The following KRT86 variants were observed in gnomAD, a reference collection of about 807,000 sequenced individuals.
KRT86 encodes the protein keratin, type II cuticular Hb6.
KRT86 carries 30 observed loss-of-function variants against 41.2 expected under a neutral mutation model. The ratio of observed to expected loss-of-function variants is 0.73; its 90% confidence interval spans 0.54 to 0.99. The LOEUF (loss-of-function observed/expected upper bound fraction) is 0.99, where lower values mean the gene tolerates loss of function less well. Ranked by LOEUF, KRT86 falls within the 50% of genes least tolerant of loss-of-function variation. The pLI, the probability that KRT86 is intolerant of heterozygous loss-of-function variation, is 0.00. For synonymous variants in KRT86, 238 were observed against 238.1 expected, an observed-to-expected ratio of 1.00 and a Z score of 0.00; for missense variants, 561 against 571.4, an observed-to-expected ratio of 0.98 and a Z score of 0.19.
chr12:52,287,640 T>C (rs772284845), intron 2 of KRT86: 6 of 1,613,832 alleles, frequency 3.7e-6, no homozygotes, highest in Non-Finnish European at 5.1e-6. Flanking sequence ...CTTTGGATCA[T>C]GCGGTTCAGC....
At chr12:52,283,571 C>T (rs1937834124) in intron 2 of KRT86, among the ~76,000 whole-genome samples, 1 of 136,822 alleles carries the variant, frequency 7.3e-6, no homozygotes, top group Non-Finnish European at 1.6e-5. Flanking sequence ...CTCCACCTCT[C>T]AGGCTCAAGC....
Position 52,305,247 on chromosome 12 carries a change from G to A in KRT86, c.743G>A (p.Arg248His), listed in dbSNP as rs765173749. The A allele has an allele frequency of 1.1e-5, 18 of 1,614,056 alleles. No individual in the cohort carries two copies. Among genetic ancestry groups the A allele is most frequent in the Middle Eastern group, 1.6e-4 (1 of 6,084 alleles). The change falls in exon 7 of 11, where the codon CGC becomes CAC. Residue 248 changes from arginine (R) to histidine (H), a missense_variant. Physicochemically the swap from Arg to His is conservative, Grantham distance 29 (BLOSUM62 0). Transcript: ENST00000423955. Reference protein sequence around the residue: ...FLRRLYEEEIRVLQSHISDTS... With the variant: ...FLRRLYEEEIHVLQSHISDTS... Reference sequence around the variant, plus strand: ...TGCCCTCACCTCCTGCAGGAGATCCGCGTTCTCCAGTCCCACATCTCAGAC... The same window carrying A: ...TGCCCTCACCTCCTGCAGGAGATCCACGTTCTCCAGTCCCACATCTCAGAC...
At chr12:52,286,785 A>T in intron 2 of KRT86, 1 of 1,613,800 alleles carries the variant, frequency 6.2e-7, no homozygotes, top group South Asian at 1.1e-5. Flanking sequence ...GACCCCAAAT[A>T]CTCACAGACA....
intron 2 of KRT86, chr12:52,285,894 GAC>G (rs1159792531): frequency 2.8e-6 from 1 of 352,350 alleles, no homozygotes; most frequent in Non-Finnish European, 5.4e-6. Flanking sequence ...GGGTAATAGA[GAC>G]ACACACAAGA....
intron 9 of KRT86, among the ~76,000 whole-genome samples, chr12:52,307,820 T>A (rs748813119): frequency 1.3e-5 from 2 of 152,262 alleles, no homozygotes; most frequent in Non-Finnish European, 2.9e-5. Flanking sequence ...AGAAGTTAAA[T>A]CTGCTCCCCT....
At position 52,305,710 on chromosome 12, in the gene KRT86, C is replaced by T. The variant is rs1938495835; in HGVS notation, c.948C>T (p.Arg316=). The change falls in exon 8 of 11, where the codon CGC becomes CGT. Residue 316 remains arginine (R), a synonymous_variant. Coordinates refer to ENST00000423955, the MANE Select transcript of KRT86 (RefSeq NM_001320198.2). ...ATVIRHGETL[R]RTKEEINELN... is the part of the protein sequence containing the mutation. ...TGATCAGGCACGGGGAGACCCTGCG[C>T]CGCACCAAGGAGGAGATCAACGAGC... The T allele has an allele frequency of 1.9e-6, 3 of 1,614,076 alleles. No individual in the cohort carries two copies. Among genetic ancestry groups the T allele is most frequent in the East Asian group, 2.2e-5 (1 of 44,876 alleles).
rs577439373 is a variant in KRT86, at chr12:52,299,945, C to T, written c.-4-1968C>T. Among the ~76,000 whole-genome samples the T allele has an allele frequency of 5.3e-5, 8 of 152,224 alleles. No homozygotes were observed. The South Asian group carries it at 1.7e-3, about 32-fold the overall frequency. ...TTGGTGTGCAGAAGTTCTTTTAGCT[C>T]GATGTGATCCCATTTGCCCATTTTT... On this transcript the variant is annotated intron_variant, in intron 2 of 10. Coordinates refer to ENST00000423955, the MANE Select transcript of KRT86 (RefSeq NM_001320198.2).
chr12:52,298,739 G>A (rs1018802365), intron 2 of KRT86, among the ~76,000 whole-genome samples: 1 of 152,150 alleles, frequency 6.6e-6, no homozygotes, highest in Non-Finnish European at 1.5e-5. Flanking sequence ...GAGGCAGTTT[G>A]GAATCTGAGT....
At chr12:52,282,157 A>C (rs1049385262) in intron 2 of KRT86, among the ~76,000 whole-genome samples, 13 of 152,202 alleles carry the variant, frequency 8.5e-5, no homozygotes, top group African/African-American at 3.1e-4. Flanking sequence ...AAAGTGCTTA[A>C]AGCATAGGAA....
At position 52,275,867 on chromosome 12, in the gene KRT86, A is replaced by C. The variant is rs1027996407; in HGVS notation, c.-84A>C. The C allele has an allele frequency of 3.2e-5, 32 of 985,854 alleles. No individual in the cohort carries two copies. The highest frequency in any genetic ancestry group is 8.4e-6 in the Non-Finnish European group (7 of 829,984). 61.1% of individuals were successfully genotyped at this position (985,854 alleles called of 1,614,324 possible). On this transcript the variant is annotated 5_prime_UTR_variant, in exon 2 of 11. Coordinates refer to ENST00000423955, the MANE Select transcript of KRT86 (RefSeq NM_001320198.2). Reference sequence around the variant, plus strand: ...GTGCAGAAACACACGCAGAGCCTGAAGCCCAGCAAGGAGGATCTGAACAGG... The same window carrying C: ...GTGCAGAAACACACGCAGAGCCTGACGCCCAGCAAGGAGGATCTGAACAGG...
chr12:52,307,202 G>A (rs1938538826), intron 9 of KRT86: 1 of 152,194 alleles, frequency 6.6e-6, no homozygotes, highest in African/African-American at 2.4e-5. Context: ...CACCAAACTC[G>A]AGTTGTTCCA....
rs768434448 is a variant in KRT86, at chr12:52,305,407, G to C, written c.900+3G>C. On this transcript the variant is annotated splice_donor_region_variant and intron_variant, in intron 7 of 10. Transcript: ENST00000423955. ...CCGAGTCCTGGTACCGCAGCAAGGT[G>C]AGTGGCACAGGACACCTGCCTGCTA... 2 of 1,614,174 alleles carry C rather than the reference G, an allele frequency of 1.2e-6. No individual in the cohort carries two copies. Among genetic ancestry groups the C allele is most frequent in the Non-Finnish European group, 1.7e-6 (2 of 1,179,998 alleles).
At chr12:52,286,652 A>T in intron 2 of KRT86, 1 of 1,175,098 alleles carries the variant, frequency 8.5e-7, no homozygotes, top group South Asian at 1.3e-5. Flanking sequence ...GGTCTTTTGG[A>T]TGTCTGACCC....
chr12:52,288,089 G>A lies in KRT86; in HGVS notation c.-5+12143G>A, dbSNP rs559803959. On this transcript the variant is annotated intron_variant, in intron 2 of 10. Coordinates refer to ENST00000423955, the MANE Select transcript of KRT86 (RefSeq NM_001320198.2). Reference sequence around the variant, plus strand: ...TGCAGTCCATGTTCAGGTCCCGGCTGTTGTCCAGCTTGACAACCACGGAGG... The same window carrying A: ...TGCAGTCCATGTTCAGGTCCCGGCTATTGTCCAGCTTGACAACCACGGAGG... 84 of 1,614,190 alleles carry A rather than the reference G, an allele frequency of 5.2e-5. No homozygotes were observed. In the South Asian group the frequency reaches 9.1e-4, roughly 18 times the overall value.
At chr12:52,281,300 G>A (rs1937766335) in intron 2 of KRT86, among the ~76,000 whole-genome samples, 1 of 152,216 alleles carries the variant, frequency 6.6e-6, no homozygotes, top group South Asian at 2.1e-4. Flanking sequence ...CTGCATGCCT[G>A]CCTCACACTC....
At chr12:52,295,804 A>G (rs1393874381) in intron 2 of KRT86, among the ~76,000 whole-genome samples, 2 of 152,202 alleles carry the variant, frequency 1.3e-5, no homozygotes, top group African/African-American at 4.8e-5. Flanking sequence ...AGTGCTGAGT[A>G]ATGGAGCCAT....
At chr12:52,281,788 G>C (rs1324145896) in intron 2 of KRT86, among the ~76,000 whole-genome samples, 1 of 152,126 alleles carries the variant, frequency 6.6e-6, no homozygotes, top group Non-Finnish European at 1.5e-5. Flanking sequence ...ACCCAGGCTA[G>C]AGTGCAGTGG....
chr12:52,284,547 G>C (rs887991059), intron 2 of KRT86, among the ~76,000 whole-genome samples: 1 of 152,192 alleles, frequency 6.6e-6, no homozygotes, highest in African/African-American at 2.4e-5. Context: ...TGGAATGATT[G>C]ATCACAAATT....
chr12:52,275,977 G>A, intron 2 of KRT86, 31 bp downstream of exon 2: 1 of 985,848 alleles, frequency 1.0e-6, no homozygotes, highest in Admixed American at 6.1e-5. Context: ...GCAACAGAGT[G>A]GCCATGGTGG....
Sources: allele counts gnomAD v4.1 joint callset (sites outside exome capture counted in the v4.1 genomes callset), GRCh38; gene constraint gnomAD v4.1.1; transcripts MANE v1.5; gene names NCBI Gene and HGNC (gene_info 2026-07-23, HGNC 2026-07-21).